Variants in LSAMP observed in about 807,000 individuals in gnomAD.
LSAMP encodes limbic system associated membrane protein.
In LSAMP, 7 loss-of-function variants were observed where a neutral mutation model predicts 38.6. The ratio of observed to expected loss-of-function variants is 0.18; its 90% CI spans 0.10 to 0.34. The LOEUF is 0.34. Among genes scored for constraint, LSAMP ranks in the 10% least tolerant of loss-of-function variants. The pLI is 1.00. For synonymous variants in LSAMP, 154 were observed against 166.8 expected (o/e 0.92, Z 0.59); for missense variants, 313 against 420.0 (o/e 0.75, Z 2.23).
intron 3 of LSAMP, among the ~76,000 whole-genome samples, chr3:115,931,071 A>G (rs1937573178): frequency 6.6e-6 from 1 of 152,182 alleles, no homozygotes; most frequent in African/African-American, 2.4e-5. Context: ...AAGCAACCCA[A>G]TTGGGTGTTT....
intron 1 of LSAMP, among the ~76,000 whole-genome samples, chr3:116,117,492 C>T (rs1284144050): frequency 2.0e-5 from 3 of 152,150 alleles, no homozygotes; most frequent in African/African-American, 7.2e-5. Context: ...CTGATACATT[C>T]GTATTAAGTA....
chr3:116,145,835 G>C (rs988455337), intron 1 of LSAMP, among the ~76,000 whole-genome samples: 6 of 151,748 alleles, frequency 4.0e-5, no homozygotes, highest in African/African-American at 1.5e-4. Context: ...ACTTTCAGCT[G>C]TGTCTAATCT....
chr3:116,141,578 C>T (rs998641335), intron 1 of LSAMP, among the ~76,000 whole-genome samples: 4 of 151,786 alleles, frequency 2.6e-5, no homozygotes, highest in African/African-American at 7.3e-5. Flanking sequence ...GTCTCAGGTC[C>T]TCTTTAACAC....
chr3:116,428,397 G>T (rs958776592), intron 1 of LSAMP, among the ~76,000 whole-genome samples: 1 of 152,100 alleles, frequency 6.6e-6, no homozygotes, highest in African/African-American at 2.4e-5. Flanking sequence ...GGGGGCGGTT[G>T]CAGTAAGCTG....
intron 3 of LSAMP, among the ~76,000 whole-genome samples, chr3:115,906,636 G>A (rs1280248690): frequency 2.0e-5 from 3 of 152,092 alleles, no homozygotes; most frequent in African/African-American, 7.2e-5. Flanking sequence ...GCCTTAATTT[G>A]TTCATCTGTA....
chr3:116,296,432 C>T (rs1326880312), intron 1 of LSAMP, among the ~76,000 whole-genome samples: 1 of 151,988 alleles, frequency 6.6e-6, no homozygotes, highest in Non-Finnish European at 1.5e-5. Context: ...CTTTAAGAAA[C>T]CCATATTGGG....
intron 1 of LSAMP, among the ~76,000 whole-genome samples, chr3:116,091,614 G>A (rs936777493): frequency 1.3e-5 from 2 of 152,164 alleles, no homozygotes; most frequent in African/African-American, 2.4e-5. Flanking sequence ...GGCTTCAGCC[G>A]GTCCCTCCGT....
intron 1 of LSAMP, among the ~76,000 whole-genome samples, chr3:116,138,483 A>G (rs1223172516): frequency 1.3e-5 from 2 of 152,064 alleles, no homozygotes; most frequent in South Asian, 2.1e-4. Context: ...GATTGACGCA[A>G]TTGATCTCTA....
chr3:116,004,849 G>C (rs1016534084), intron 3 of LSAMP, among the ~76,000 whole-genome samples: 1 of 152,050 alleles, frequency 6.6e-6, no homozygotes, highest in Non-Finnish European at 1.5e-5. Flanking sequence ...ATAGCTGATT[G>C]CCTGTAGAGC....
chr3:115,827,729 G>A (rs1277857784), intron 6 of LSAMP, among the ~76,000 whole-genome samples: 1 of 152,132 alleles, frequency 6.6e-6, no homozygotes, highest in African/African-American at 2.4e-5. Flanking sequence ...GATATAAGCT[G>A]ACATTCTCCG....
At chr3:116,420,065 G>A (rs975699794) in intron 1 of LSAMP, among the ~76,000 whole-genome samples, 2 of 151,732 alleles carry the variant, frequency 1.3e-5, no homozygotes, top group Non-Finnish European at 2.9e-5. Flanking sequence ...CCTGTGCCTA[G>A]CACAGACCTA....
rs913842996 is a variant in LSAMP, at chr3:116,305,940, T to A, written c.155+138937A>T. On this transcript the variant is annotated intron_variant, in intron 1 of 6. Transcript: ENST00000490035. ...AATGAAATTATTTCAGTGCTTTTTTTTTTTTTTTACTATATAATCACTTTA... is the reference window on the plus strand; with the variant it reads ...AATGAAATTATTTCAGTGCTTTTTTATTTTTTTTACTATATAATCACTTTA... 3.3e-4 allele frequency among the ~76,000 whole-genome samples: 50 copies of A among 151,974 alleles called. 1 individual carries two copies. The South Asian group carries it at 5.4e-3, about 16-fold the overall frequency.
chr3:116,383,713 C>T (rs2048591246), intron 1 of LSAMP, among the ~76,000 whole-genome samples: 1 of 152,058 alleles, frequency 6.6e-6, no homozygotes, highest in African/African-American at 2.4e-5. Context: ...ACAGGATCTC[C>T]ATGTGAGGAG....
At chr3:115,957,025 C>T (rs1422225149) in intron 3 of LSAMP, among the ~76,000 whole-genome samples, 2 of 152,168 alleles carry the variant, frequency 1.3e-5, no homozygotes, top group African/African-American at 2.4e-5. Context: ...CAAACTAATA[C>T]CTCAAAGTTT....
At chr3:116,265,273 T>G (rs1403016122) in intron 1 of LSAMP, among the ~76,000 whole-genome samples, 2 of 152,182 alleles carry the variant, frequency 1.3e-5, no homozygotes, top group Non-Finnish European at 2.9e-5. Flanking sequence ...AGGTTCATGC[T>G]GGAATTGTTT....
intron 4 of LSAMP, among the ~76,000 whole-genome samples, chr3:115,846,509 A>G (rs1016381675): frequency 6.6e-6 from 1 of 152,220 alleles, no homozygotes; most frequent in Non-Finnish European, 1.5e-5. Context: ...CGGCACTCTA[A>G]TAGGTTTTAG....
chr3:116,410,222 G>A (rs1281408856), intron 1 of LSAMP, among the ~76,000 whole-genome samples: 6 of 149,692 alleles, frequency 4.0e-5, no homozygotes, highest in East Asian at 1.9e-4. Flanking sequence ...CAGTTATACC[G>A]AATAGGGGGG....
intron 1 of LSAMP, among the ~76,000 whole-genome samples, chr3:116,318,685 G>A (rs2047667043): frequency 6.6e-6 from 1 of 152,160 alleles, no homozygotes; most frequent in African/African-American, 2.4e-5. Context: ...ATACCCACAT[G>A]AAGGCAAAAT....
chr3:116,261,950 T>C (rs1576466758), intron 1 of LSAMP, among the ~76,000 whole-genome samples: 2 of 151,078 alleles, frequency 1.3e-5, no homozygotes, highest in East Asian at 3.9e-4. Context: ...TTTTCTAAAT[T>C]AAAGTAAGAG....
Sources: gnomAD v4.1 joint callset for allele counts (sites outside exome capture counted in the v4.1 genomes callset) on GRCh38, gnomAD v4.1.1 for gene constraint, MANE v1.5 for transcripts, NCBI Gene and HGNC (gene_info 2026-07-23, HGNC 2026-07-21) for gene names.